The following B3GALT4 variants were observed in gnomAD, a reference collection of about 807,000 sequenced individuals.
B3GALT4 encodes beta-1,3-galactosyltransferase 4.
In B3GALT4, 1 loss-of-function variant was observed where a neutral mutation model predicts 1.6. That is an observed-to-expected ratio of 0.64 (90% CI 0.23 to 3.05). The LOEUF (loss-of-function observed/expected upper bound fraction) is 3.05, where lower values mean the gene tolerates loss of function less well. Ranked by LOEUF, B3GALT4 falls within the 30% of genes most tolerant of loss-of-function variation. The pLI is 0.21. For missense variants in B3GALT4, 441 were observed against 486.9 expected (o/e 0.91, Z 0.89); for synonymous variants, 259 against 222.6 (o/e 1.16, Z -1.46).
In B3GALT4 at chr6:33,278,215, G is replaced by A; in HGVS notation, c.796G>A (p.Gly266Arg). 1 of 1,612,264 alleles carries A rather than the reference G, an allele frequency of 6.2e-7. No individual in the cohort carries two copies. Among genetic ancestry groups the A allele is most frequent in the South Asian group, 1.1e-5 (1 of 91,090 alleles). The stretch of plus-strand genomic sequence containing the variant: ...CTTTCCACCCTATGCCTCAGGCACG[G>A]GGTATGTGCTGTCAGCGTCTGCTGT... ...GPFPPYASGTGYVLSASAVQL... is the reference protein window; with the variant it reads ...GPFPPYASGTRYVLSASAVQL... Residue 266 changes from glycine (G) to arginine (R), a missense_variant, in exon 1 of 1, where the codon GGG becomes AGG. By Grantham distance (125) the Gly-to-Arg change is moderately radical. Coordinates refer to ENST00000451237, the MANE Select transcript of B3GALT4 (RefSeq NM_003782.4). This position sits in a 1 kb window ranked among gnomAD's most constrained non-coding sequence, Gnocchi z 5.2.
rs778470699 is a variant in B3GALT4, at chr6:33,278,734, G to C, written c.*178G>C. The C allele has an allele frequency of 8.3e-6, 10 of 1,199,052 alleles. No individual in the cohort carries two copies. Among genetic ancestry groups the C allele is most frequent in the Non-Finnish European group, 9.8e-6 (9 of 918,828 alleles). The allele number at this position is 1,199,052 out of a possible 1,614,324, so 74.3% of individuals were successfully genotyped here. Reference sequence around the variant, plus strand: ...CCCGCCAGCCCAAAAGATGGTCATCGGGAAGAGAAAAAGAAAAAAATGCTG... The same window carrying C: ...CCCGCCAGCCCAAAAGATGGTCATCCGGAAGAGAAAAAGAAAAAAATGCTG... On this transcript the variant is annotated 3_prime_UTR_variant, in exon 1 of 1. Transcript: ENST00000451237. The surrounding 1 kb of genome is among the most constrained non-coding windows in gnomAD (Gnocchi z 5.2).
chr6:33,278,438 A>C lies in B3GALT4; in HGVS notation c.1019A>C (p.Gln340Pro), dbSNP rs906298019. The C allele has an allele frequency of 6.2e-7, 1 of 1,611,730 alleles. No individual in the cohort carries two copies. Among genetic ancestry groups the C allele is most frequent in the African/African-American group, 1.3e-5 (1 of 74,898 alleles). The part of the protein sequence containing the change: ...TSHRLDPWKM[Q>P]EAWKLVGGSD... ...CACAGGCTGGACCCCTGGAAGATGC[A>C]GGAAGCCTGGAAGCTGGTGGGTGGC... Residue 340 changes from glutamine (Q) to proline (P), a missense_variant, in exon 1 of 1, where the codon CAG (glutamine) becomes CCG (proline). Transcript: ENST00000451237. The surrounding 1 kb of genome is among the most constrained non-coding windows in gnomAD (Gnocchi z 5.2).
In B3GALT4 at chr6:33,277,507, G is replaced by T; in HGVS notation, c.88G>T (p.Glu30Ter). The change falls in exon 1 of 1, where the codon GAG (glutamate) becomes TAG (stop). Residue 30 changes from glutamate (E) to a stop codon, truncating the protein, a stop_gained. Transcript: ENST00000451237. LOFTEE classifies it low-confidence loss of function (END_TRUNC). This position sits in a 1 kb window ranked among gnomAD's most constrained non-coding sequence, Gnocchi z 5.3. ...WTLFGPSGLG[E>*]ELLSLSLASL... ...CCTCTTCGGGCCTTCGGGGTTGGGG[G>T]AGGAGCTGCTGAGCCTCTCACTAGC... The T allele has an allele frequency of 6.2e-7, 1 of 1,612,746 alleles. No individual in the cohort carries two copies.
rs1277012052 is a variant in B3GALT4, at chr6:33,277,392, T to TA, written c.-27dup. ...GGAGCTAGTCTCCGCCCTTCGCTCT[T>TA]ACGGATCCCCTCGGAGTACGCCGCA... On this transcript the variant is annotated 5_prime_UTR_variant, in exon 1 of 1. Coordinates refer to ENST00000451237, the MANE Select transcript of B3GALT4 (RefSeq NM_003782.4). This position sits in a 1 kb window ranked among gnomAD's most constrained non-coding sequence, Gnocchi z 5.3. 3.1e-6 allele frequency: 5 copies of TA among 1,601,662 alleles called. No individual in the cohort carries two copies. The highest frequency in any genetic ancestry group is 4.2e-6 in the Non-Finnish European group (5 of 1,176,804).
Position 33,277,697 on chromosome 6 carries a change from C to T in B3GALT4, c.278C>T (p.Ser93Leu). ...NLNQRNAIRA[S>L]WGGLREARGL... ...AACCAGAGAAACGCCATTCGGGCTT[C>T]GTGGGGCGGGCTGCGCGAGGCCCGG... The change falls in exon 1 of 1, where the codon TCG (serine) becomes TTG (leucine). Residue 93 changes from serine to leucine, a missense_variant. Ser to Leu is a moderately radical substitution (Grantham distance 145). Coordinates refer to ENST00000451237, the MANE Select transcript of B3GALT4 (RefSeq NM_003782.4). This position sits in a 1 kb window ranked among gnomAD's most constrained non-coding sequence, Gnocchi z 5.3. 6.2e-7 allele frequency: 1 copy of T among 1,613,892 alleles called. No homozygotes were observed. Among genetic ancestry groups the T allele is most frequent in the East Asian group, 2.2e-5 (1 of 44,872 alleles).
rs745740416 is a variant in B3GALT4 at position 33,278,148 on chromosome 6, G to A, written c.729G>A (p.Arg243=). 7 of 1,613,420 alleles carry A rather than the reference G, an allele frequency of 4.3e-6. No homozygotes were observed. In the East Asian group the frequency reaches 1.1e-4, roughly 26 times the overall value. ...ACCCCTCTCGGACACCGGGGGGCAGGCACCGCGTATCAGAGGAGCAGTGGC... is the reference window on the plus strand; with the variant it reads ...ACCCCTCTCGGACACCGGGGGGCAGACACCGCGTATCAGAGGAGCAGTGGC... ...RVNPSRTPGG[R]HRVSEEQWPH... Residue 243 remains arginine (R), a synonymous_variant, in exon 1 of 1, where the codon AGG becomes AGA. Transcript: ENST00000451237. This position sits in a 1 kb window ranked among gnomAD's most constrained non-coding sequence, Gnocchi z 5.2.
chr6:33,277,664 A>C lies in B3GALT4; in HGVS notation c.245A>C (p.Glu82Ala), dbSNP rs72654491. Residue 82 changes from glutamate (E) to alanine (A), a missense_variant, in exon 1 of 1, where the codon GAG becomes GCG. Glu to Ala is a moderately radical substitution (Grantham distance 107, BLOSUM62 -1). Transcript: ENST00000451237. The surrounding 1 kb of genome is among the most constrained non-coding windows in gnomAD (Gnocchi z 5.3). Reference sequence around the variant, plus strand: ...CTCATCCTGGTGTGCACGGCTCCGGAGAACCTGAACCAGAGAAACGCCATT... The same window carrying C: ...CTCATCCTGGTGTGCACGGCTCCGGCGAACCTGAACCAGAGAAACGCCATT... ...FLLILVCTAP[E>A]NLNQRNAIRA... 859 of 1,613,884 alleles carry C rather than the reference A, an allele frequency of 5.3e-4. 2 individuals carry two copies. The African/African-American group carries it at 6.8e-3, about 13-fold the overall frequency.
At position 33,277,494 on chromosome 6, in the gene B3GALT4, T is replaced by A; in HGVS notation, c.75T>A (p.Pro25=). 2 of 1,612,894 alleles carry A rather than the reference T, an allele frequency of 1.2e-6. No homozygotes were observed. Among genetic ancestry groups the A allele is most frequent in the African/African-American group, 2.7e-5 (2 of 75,028 alleles). ...TGATCGTCTGGACCCTCTTCGGGCCTTCGGGGTTGGGGGAGGAGCTGCTGA... is the reference window on the plus strand; with the variant it reads ...TGATCGTCTGGACCCTCTTCGGGCCATCGGGGTTGGGGGAGGAGCTGCTGA... ...LLVIVWTLFG[P]SGLGEELLSL... Residue 25 remains proline (P), a synonymous_variant, in exon 1 of 1, where the codon CCT becomes CCA. Transcript: ENST00000451237. This position sits in a 1 kb window ranked among gnomAD's most constrained non-coding sequence, Gnocchi z 5.3.
chr6:33,277,281 C>G lies in B3GALT4; in HGVS notation c.-139C>G, dbSNP rs544614803. 1.5e-5 allele frequency: 22 copies of G among 1,451,556 alleles called. No individual in the cohort carries two copies. In the Admixed American group the frequency reaches 3.5e-4, roughly 23 times the overall value. The allele number at this position is 1,451,556 out of a possible 1,614,324, so 89.9% of individuals were successfully genotyped here. A position where few individuals can be genotyped will look rare whatever the true frequency, so the allele number is the denominator to read the frequency against. On this transcript the variant is annotated 5_prime_UTR_variant, in exon 1 of 1. Coordinates refer to ENST00000451237, the MANE Select transcript of B3GALT4 (RefSeq NM_003782.4). This position sits in a 1 kb window ranked among gnomAD's most constrained non-coding sequence, Gnocchi z 5.3. ...CAGCTGCACCGCCTCTCCCCGCCCC[C>G]CAGGGTGCGCTGGTCCCGGTCGCGC...
rs1481650317 is a variant in B3GALT4 at position 33,278,681 on chromosome 6, G to A, written c.*125G>A. 12 of 1,384,154 alleles carry A rather than the reference G, an allele frequency of 8.7e-6. No homozygotes were observed. The highest frequency in any genetic ancestry group is 1.0e-5 in the Non-Finnish European group (11 of 1,063,108). 85.7% of individuals were successfully genotyped at this position (1,384,154 alleles called of 1,614,324 possible). A position where few individuals can be genotyped will look rare whatever the true frequency, so the allele number is the denominator to read the frequency against. ...CAGATCCTCAGTCTCACTAAAGACA[G>A]CGATATGGGAGACACCCAGGGGCCT... On this transcript the variant is annotated 3_prime_UTR_variant, in exon 1 of 1. Coordinates refer to ENST00000451237, the MANE Select transcript of B3GALT4 (RefSeq NM_003782.4). The surrounding 1 kb of genome is among the most constrained non-coding windows in gnomAD (Gnocchi z 5.2).
chr6:33,278,621 C>A lies in B3GALT4; in HGVS notation c.*65C>A. On this transcript the variant is annotated 3_prime_UTR_variant, in exon 1 of 1. Coordinates refer to ENST00000451237, the MANE Select transcript of B3GALT4 (RefSeq NM_003782.4). This position sits in a 1 kb window ranked among gnomAD's most constrained non-coding sequence, Gnocchi z 5.2. ...CTCTCTCCCAGGCCCAACGCAGGGGCCCTCACTGGCTGCAGCTGATCTGTT... is the reference window on the plus strand; with the variant it reads ...CTCTCTCCCAGGCCCAACGCAGGGGACCTCACTGGCTGCAGCTGATCTGTT... The A allele has an allele frequency of 6.7e-7, 1 of 1,497,890 alleles. No homozygotes were observed. The highest frequency in any genetic ancestry group is 8.9e-7 in the Non-Finnish European group (1 of 1,123,198). The allele number at this position is 1,497,890 out of a possible 1,614,324, so 92.8% of individuals were successfully genotyped here. A position where few individuals can be genotyped will look rare whatever the true frequency, so the allele number is the denominator to read the frequency against.
chr6:33,278,103 C>A lies in B3GALT4; in HGVS notation c.684C>A (p.Gly228=). 1.2e-6 allele frequency: 2 copies of A among 1,613,896 alleles called. No homozygotes were observed. Among genetic ancestry groups the A allele is most frequent in the Non-Finnish European group, 1.7e-6 (2 of 1,179,950 alleles). Residue 228 remains glycine (G), a synonymous_variant, in exon 1 of 1, where the codon GGC becomes GGA. Transcript: ENST00000451237. The surrounding 1 kb of genome is among the most constrained non-coding windows in gnomAD (Gnocchi z 5.2). ...AGGAAGTGCCTCTTCTGTACTTGGG[C>A]CGGGTGCACTGGCGCGTGAACCCCT... ...HSEEVPLLYL[G]RVHWRVNPSR...
chr6:33,277,414 C>G lies in B3GALT4; in HGVS notation c.-6C>G. On this transcript the variant is annotated 5_prime_UTR_variant, in exon 1 of 1. Coordinates refer to ENST00000451237, the MANE Select transcript of B3GALT4 (RefSeq NM_003782.4). This position sits in a 1 kb window ranked among gnomAD's most constrained non-coding sequence, Gnocchi z 5.3. Reference sequence around the variant, plus strand: ...TCTTACGGATCCCCTCGGAGTACGCCGCACCATGCAGCTCAGGCTCTTCCG... The same window carrying G: ...TCTTACGGATCCCCTCGGAGTACGCGGCACCATGCAGCTCAGGCTCTTCCG... 3 of 1,609,764 alleles carry G rather than the reference C, an allele frequency of 1.9e-6. No individual in the cohort carries two copies. The highest frequency in any genetic ancestry group is 1.3e-5 in the African/African-American group (1 of 75,004).
rs1765694910 is a variant in B3GALT4, at chr6:33,277,142, G to A, written c.-278G>A. The A allele has an allele frequency of 1.8e-5, 7 of 398,142 alleles. No individual in the cohort carries two copies. Among genetic ancestry groups the A allele is most frequent in the South Asian group, 8.9e-5 (1 of 11,288 alleles). The allele number at this position is 398,142 out of a possible 1,614,324, so 24.7% of individuals were successfully genotyped here. Reference sequence around the variant, plus strand: ...GGCGGCAGACCGGCCGCCGGGGCGAGGCGGGGGAGGGGCCGTGAGTGCCGC... The same window carrying A: ...GGCGGCAGACCGGCCGCCGGGGCGAAGCGGGGGAGGGGCCGTGAGTGCCGC... On this transcript the variant is annotated 5_prime_UTR_variant, in exon 1 of 1. Coordinates refer to ENST00000451237, the MANE Select transcript of B3GALT4 (RefSeq NM_003782.4). The surrounding 1 kb of genome is among the most constrained non-coding windows in gnomAD (Gnocchi z 5.3).
rs940825167 is a variant in B3GALT4 at position 33,277,348 on chromosome 6, G to A, written c.-72G>A. The A allele has an allele frequency of 8.4e-6, 13 of 1,542,926 alleles. No individual in the cohort carries two copies. The highest frequency in any genetic ancestry group is 1.0e-5 in the Non-Finnish European group (12 of 1,152,438). On this transcript the variant is annotated 5_prime_UTR_variant, in exon 1 of 1. Coordinates refer to ENST00000451237, the MANE Select transcript of B3GALT4 (RefSeq NM_003782.4). This position sits in a 1 kb window ranked among gnomAD's most constrained non-coding sequence, Gnocchi z 5.3. ...CCCGGGCGTGGTCGGTTAAGTCCCCGGCCGTGACCCAGGCCCGGGGAGCTA... is the reference window on the plus strand; with the variant it reads ...CCCGGGCGTGGTCGGTTAAGTCCCCAGCCGTGACCCAGGCCCGGGGAGCTA...
At position 33,278,734 on chromosome 6, in the gene B3GALT4, G is replaced by A. The variant is rs778470699; in HGVS notation, c.*178G>A. The A allele has an allele frequency of 2.3e-5, 28 of 1,198,928 alleles. No homozygotes were observed. Among genetic ancestry groups the A allele is most frequent in the Admixed American group, 7.3e-5 (2 of 27,302 alleles). 74.3% of individuals were successfully genotyped at this position (1,198,928 alleles called of 1,614,324 possible). A position where few individuals can be genotyped will look rare whatever the true frequency, so the allele number is the denominator to read the frequency against. On this transcript the variant is annotated 3_prime_UTR_variant, in exon 1 of 1. Transcript: ENST00000451237. This position sits in a 1 kb window ranked among gnomAD's most constrained non-coding sequence, Gnocchi z 5.2. ...CCCGCCAGCCCAAAAGATGGTCATCGGGAAGAGAAAAAGAAAAAAATGCTG... is the reference window on the plus strand; with the variant it reads ...CCCGCCAGCCCAAAAGATGGTCATCAGGAAGAGAAAAAGAAAAAAATGCTG...
rs1765783549 is a variant in B3GALT4 at position 33,278,025 on chromosome 6, C to G, written c.606C>G (p.Ser202Arg). ...GCCGTTGGGGGCAATGGGAGAGAAG[C>G]ACGGAACCCCAGAGAGAGGCTGAGC... ...RGGRWGQWERSTEPQREAEQE... is the reference protein window; with the variant it reads ...RGGRWGQWERRTEPQREAEQE... The change falls in exon 1 of 1, where the codon AGC (serine) becomes AGG (arginine). Residue 202 changes from serine (S) to arginine (R), a missense_variant. Coordinates refer to ENST00000451237, the MANE Select transcript of B3GALT4 (RefSeq NM_003782.4). The surrounding 1 kb of genome is among the most constrained non-coding windows in gnomAD (Gnocchi z 5.2). The G allele has an allele frequency of 1.2e-6, 2 of 1,614,064 alleles. No individual in the cohort carries two copies. Among genetic ancestry groups the G allele is most frequent in the South Asian group, 2.2e-5 (2 of 91,088 alleles).
At position 33,278,469 on chromosome 6, in the gene B3GALT4, C is replaced by A. The variant is rs4713616; in HGVS notation, c.1050C>A (p.Asp350Glu). ...QEAWKLVGGS[D>E]GERTAPFCSW... is the part of the protein sequence containing the mutation. ...CCTGGAAGCTGGTGGGTGGCTCTGA[C>A]GGGGAAAGGACTGCGCCCTTTTGCT... is the stretch of plus-strand genomic sequence containing the variant. Residue 350 changes from aspartate (D) to glutamate (E), a missense_variant, in exon 1 of 1, where the codon GAC (aspartate) becomes GAA (glutamate). Coordinates refer to ENST00000451237, the MANE Select transcript of B3GALT4 (RefSeq NM_003782.4). The surrounding 1 kb of genome is among the most constrained non-coding windows in gnomAD (Gnocchi z 5.2). 72 of 1,609,066 alleles carry A rather than the reference C, an allele frequency of 4.5e-5. No homozygotes were observed. Among genetic ancestry groups the A allele is most frequent in the Non-Finnish European group, 6.0e-5 (71 of 1,177,184 alleles).
At position 33,278,755 on chromosome 6, in the gene B3GALT4, T is replaced by A. The variant is rs1449785724; in HGVS notation, c.*199T>A. 3.1e-6 allele frequency: 3 copies of A among 978,886 alleles called. No homozygotes were observed. 60.6% of individuals were successfully genotyped at this position (978,886 alleles called of 1,614,324 possible). On this transcript the variant is annotated 3_prime_UTR_variant, in exon 1 of 1. Coordinates refer to ENST00000451237, the MANE Select transcript of B3GALT4 (RefSeq NM_003782.4). The surrounding 1 kb of genome is among the most constrained non-coding windows in gnomAD (Gnocchi z 5.2). ...CATCGGGAAGAGAAAAAGAAAAAAA[T>A]GCTGCAGTTGTTCTCTCAAGCTAGG... is the stretch of plus-strand genomic sequence containing the variant.
Sources: allele counts gnomAD v4.1 joint callset, GRCh38; gene constraint gnomAD v4.1.1; non-coding constraint Gnocchi (gnomAD v3.1); transcripts MANE v1.5; gene names NCBI Gene and HGNC (gene_info 2026-07-23, HGNC 2026-07-21).